Variants in TENM4 observed in about 807,000 individuals in gnomAD.
The protein encoded by TENM4 is teneurin-4.
TENM4 carries 82 observed loss-of-function variants against 243.3 expected under a neutral mutation model. The observed-to-expected ratio is 0.34, with a 90% CI of 0.28 to 0.40. The LOEUF is 0.40. Among genes scored for constraint, TENM4 ranks in the 10% least tolerant of loss-of-function variants. TENM4 has a pLI of 1.00. For synonymous variants in TENM4, 1,412 were observed against 1,456.3 expected, an observed-to-expected ratio of 0.97 and a Z score of 0.69; for missense variants, 3,138 against 3,673.3, an observed-to-expected ratio of 0.85 and a Z score of 3.77.
rs924450235 is a variant in TENM4, at chr11:79,440,797, T to G, written c.-609A>C. 6.6e-6 allele frequency: 1 copy of G among 152,308 alleles called. No homozygotes were observed. The highest frequency in any genetic ancestry group is 2.4e-5 in the African/African-American group (1 of 41,218). 9.4% of individuals were successfully genotyped at this position (152,308 alleles called of 1,614,324 possible). ...TCCCTGCCAGCACTGCTGCCCCACATGAAACAGCTGCAATCCCGAGGCTTC... is the reference window on the plus strand; with the variant it reads ...TCCCTGCCAGCACTGCTGCCCCACAGGAAACAGCTGCAATCCCGAGGCTTC... On this transcript the variant is annotated 5_prime_UTR_variant, in exon 1 of 34. An upstream start codon of the reference 5' UTR is lost. Transcript: ENST00000278550. This position sits in a 1 kb window ranked among gnomAD's most constrained non-coding sequence, Gnocchi z 4.7.
At chr11:78,919,813 C>A (rs116912487) in intron 6 of TENM4, among the ~76,000 whole-genome samples, 2 of 152,064 alleles carry the variant, frequency 1.3e-5, no homozygotes, top group African/African-American at 2.4e-5. Context: ...TCATGCCTAA[C>A]CCGCTGTGCT....
At chr11:79,081,533 TG>T (rs1207627008) in intron 4 of TENM4, among the ~76,000 whole-genome samples, 1 of 30,036 alleles carries the variant, frequency 3.3e-5, no homozygotes, top group Non-Finnish European at 8.0e-5. Flanking sequence ...CTGTCAGAGG[TG>T]GTGTGTGTGT....
intron 2 of TENM4, among the ~76,000 whole-genome samples, chr11:79,257,543 CT>C (rs1217370025): frequency 6.6e-6 from 1 of 152,188 alleles, no homozygotes; most frequent in African/African-American, 2.4e-5. Flanking sequence ...TTCTTTTCAT[CT>C]GCATCTTGGA....
At chr11:79,307,411 C>T (rs1266539523) in intron 1 of TENM4, among the ~76,000 whole-genome samples, 1 of 152,196 alleles carries the variant, frequency 6.6e-6, no homozygotes, top group African/African-American at 2.4e-5. Flanking sequence ...ACACCGCTCT[C>T]TCCTGCACTG....
intron 3 of TENM4, 88 bp from the exon 4 acceptor site, chr11:79,148,894 G>A: frequency 3.2e-6 from 1 of 312,864 alleles, no homozygotes; most frequent in Non-Finnish European, 4.6e-6. Flanking sequence ...CAGCTTGGGA[G>A]GTGGGGGTGA....
At chr11:78,925,992 A>C (rs1004160684) in intron 6 of TENM4, among the ~76,000 whole-genome samples, 2 of 152,094 alleles carry the variant, frequency 1.3e-5, no homozygotes, top group African/African-American at 4.8e-5. Context: ...CATATATTAC[A>C]TAATTATATA....
At chr11:79,172,719 T>C (rs1863073162) in intron 3 of TENM4, among the ~76,000 whole-genome samples, 1 of 151,042 alleles carries the variant, frequency 6.6e-6, no homozygotes, top group South Asian at 2.1e-4. Context: ...GGCTGGAGTG[T>C]TGTGGTGTGA....
At chr11:79,376,463 T>C (rs1857892792) in intron 1 of TENM4, among the ~76,000 whole-genome samples, 1 of 152,220 alleles carries the variant, frequency 6.6e-6, no homozygotes, top group Non-Finnish European at 1.5e-5. Context: ...CTCCTACTTA[T>C]CTTACAGTCT....
At chr11:78,823,915 A>G (rs1230407767) in intron 12 of TENM4, among the ~76,000 whole-genome samples, 1 of 152,202 alleles carries the variant, frequency 6.6e-6, no homozygotes, top group African/African-American at 2.4e-5. Context: ...AAGTATTTCC[A>G]CATACAGTTT....
chr11:79,192,098 G>T (rs995774234), intron 3 of TENM4, among the ~76,000 whole-genome samples: 1 of 149,938 alleles, frequency 6.7e-6, no homozygotes, highest in Non-Finnish European at 1.5e-5. Context: ...AGGTGGGGGG[G>T]GGTCAGCCCC....
At chr11:79,382,175 T>C (rs566491943) in intron 1 of TENM4, among the ~76,000 whole-genome samples, 4 of 152,246 alleles carry the variant, frequency 2.6e-5, no homozygotes, top group Non-Finnish European at 5.9e-5. Flanking sequence ...AGGGCCAAGA[T>C]TCAAATGTAA....
chr11:78,957,504 T>C, intron 6 of TENM4, among the ~76,000 whole-genome samples: 1 of 152,202 alleles, frequency 6.6e-6, no homozygotes, highest in East Asian at 1.9e-4. Context: ...AATTTTTTGT[T>C]TTAAGAAAAC....
At chr11:79,280,764 G>A (rs1369020349) in intron 2 of TENM4, among the ~76,000 whole-genome samples, 1 of 152,166 alleles carries the variant, frequency 6.6e-6, no homozygotes, top group Admixed American at 6.5e-5. Context: ...ACTCCCCAGT[G>A]CGAAAGAGAT....
At chr11:79,073,653 T>C (rs1041160349) in intron 4 of TENM4, among the ~76,000 whole-genome samples, 2 of 152,126 alleles carry the variant, frequency 1.3e-5, no homozygotes, top group Non-Finnish European at 2.9e-5. Flanking sequence ...AGGCTTGCGG[T>C]ATGCATCCCC....
intron 4 of TENM4, among the ~76,000 whole-genome samples, chr11:79,136,788 C>G (rs1052141391): frequency 2.6e-5 from 4 of 152,126 alleles, no homozygotes; most frequent in African/African-American, 9.7e-5. Context: ...CACTTTATGG[C>G]TAAAGAAGTG....
chr11:79,358,763 C>T (rs1353150761), intron 1 of TENM4, among the ~76,000 whole-genome samples: 1 of 150,072 alleles, frequency 6.7e-6, no homozygotes, highest in Non-Finnish European at 1.5e-5. Context: ...TTTTTCCTTC[C>T]TGACCTCTAA....
At chr11:79,038,155 GC>G (rs1859434936) in intron 6 of TENM4, among the ~76,000 whole-genome samples, 1 of 152,216 alleles carries the variant, frequency 6.6e-6, no homozygotes, top group South Asian at 2.1e-4. Flanking sequence ...CATAGGGCCT[GC>G]CTAGAGTAGG....
chr11:78,751,820 T>A (rs1468228876), intron 19 of TENM4, among the ~76,000 whole-genome samples: 1 of 152,124 alleles, frequency 6.6e-6, no homozygotes, highest in African/African-American at 2.4e-5. Context: ...AACCCCACAG[T>A]GTGTGTCCTG....
intron 6 of TENM4, among the ~76,000 whole-genome samples, chr11:78,941,585 C>T (rs992092880): frequency 1.2e-4 from 18 of 149,626 alleles, no homozygotes; most frequent in African/African-American, 3.7e-4. Context: ...AGCCCTGGCA[C>T]GGCGCCGGGG....
Sources: allele counts gnomAD v4.1 joint callset (sites outside exome capture counted in the v4.1 genomes callset), GRCh38; gene constraint gnomAD v4.1.1; non-coding constraint Gnocchi (gnomAD v3.1); transcripts MANE v1.5; gene names NCBI Gene and HGNC (gene_info 2026-07-23, HGNC 2026-07-21).